RIMS2: variants seen among roughly 807,000 people sequenced by gnomAD.
The protein encoded by RIMS2 is regulating synaptic membrane exocytosis 2.
In RIMS2, 59 loss-of-function variants were observed where a neutral mutation model predicts 174.4. The ratio of observed to expected loss-of-function variants is 0.34; its 90% CI spans 0.27 to 0.42. RIMS2 has a LOEUF of 0.42. Ranked by LOEUF, RIMS2 falls within the 10% of genes least tolerant of loss-of-function variation. RIMS2 has a pLI of 1.00. For synonymous variants in RIMS2, 606 were observed against 572.5 expected (o/e 1.06, Z -0.84); for missense variants, 1,620 against 1,666.3 (o/e 0.97, Z 0.48).
At chr8:103,573,029 T>C (rs1036937127) in intron 1 of RIMS2, among the ~76,000 whole-genome samples, 2 of 152,066 alleles carry the variant, frequency 1.3e-5, no homozygotes, top group African/African-American at 4.8e-5. Context: ...ATTTGTATGG[T>C]TTGAGGCCTT....
chr8:104,180,769 A>G (rs892246183), intron 19 of RIMS2, among the ~76,000 whole-genome samples: 1 of 151,730 alleles, frequency 6.6e-6, no homozygotes, highest in African/African-American at 2.4e-5. Context: ...CCAGCTATCA[A>G]TATTTTCAAA....
intron 19 of RIMS2, among the ~76,000 whole-genome samples, chr8:104,063,286 T>G (rs914123050): frequency 2.6e-5 from 4 of 152,094 alleles, no homozygotes; most frequent in African/African-American, 9.6e-5. Context: ...AAGTTCTTGA[T>G]ATGTTGTTAT....
At chr8:103,713,762 C>A (rs962833434) in intron 2 of RIMS2, among the ~76,000 whole-genome samples, 3 of 152,160 alleles carry the variant, frequency 2.0e-5, no homozygotes, top group Non-Finnish European at 2.9e-5. Flanking sequence ...CTCCTCATCA[C>A]CTGAGTGAAG....
intron 19 of RIMS2, among the ~76,000 whole-genome samples, chr8:104,126,106 C>G (rs999754135): frequency 6.6e-5 from 10 of 152,092 alleles, no homozygotes; most frequent in African/African-American, 2.4e-4. Flanking sequence ...CACCAGGGAC[C>G]AGTTTCATGG....
intron 1 of RIMS2, among the ~76,000 whole-genome samples, chr8:103,599,773 G>A (rs979455974): frequency 1.3e-5 from 2 of 151,696 alleles, no homozygotes; most frequent in African/African-American, 4.8e-5. Context: ...TAATTTTTGT[G>A]CATACATAGT....
At chr8:103,705,123 C>T (rs1116622) in intron 2 of RIMS2, among the ~76,000 whole-genome samples, 124,373 of 151,990 alleles carry the variant, frequency 0.82, 51,489 homozygotes, top group African/African-American at 0.94. Context: ...CTGGATCCCA[C>T]TGATTTTAGT....
chr8:103,632,881 C>T (rs573544238), intron 1 of RIMS2, among the ~76,000 whole-genome samples: 1 of 147,714 alleles, frequency 6.8e-6, no homozygotes, highest in Admixed American at 6.7e-5. Flanking sequence ...CTACAGGCAC[C>T]CGCCACCATG....
At chr8:104,050,054 A>G (rs1476908139) in intron 19 of RIMS2, among the ~76,000 whole-genome samples, 1 of 152,180 alleles carries the variant, frequency 6.6e-6, no homozygotes, top group Non-Finnish European at 1.5e-5. Context: ...ATCTCCTTAT[A>G]AAATAGCCAA....
intron 19 of RIMS2, among the ~76,000 whole-genome samples, chr8:104,129,483 C>CTA (rs1443911008): frequency 6.6e-6 from 1 of 152,212 alleles, no homozygotes; most frequent in Non-Finnish European, 1.5e-5. Flanking sequence ...ATAATCTAAA[C>CTA]ATAACCTGTG....
chr8:103,897,342 C>T (rs180812659), intron 4 of RIMS2, among the ~76,000 whole-genome samples: 4 of 151,844 alleles, frequency 2.6e-5, no homozygotes, highest in Admixed American at 2.6e-4. Flanking sequence ...CTTTCATACA[C>T]ATGCTGAGCT....
intron 2 of RIMS2, among the ~76,000 whole-genome samples, chr8:103,716,708 G>GATTTAACTGTTATAATTAACTGTTAT (rs2097372148): frequency 6.6e-6 from 1 of 151,938 alleles, no homozygotes; most frequent in African/African-American, 2.4e-5. Flanking sequence ...TTAGTATAAA[G>GATTTAACTGTTATAATTAACTGTTAT]ATTTAACTGT....
intron 19 of RIMS2, among the ~76,000 whole-genome samples, chr8:104,092,854 A>G (rs891506987): frequency 5.9e-5 from 9 of 151,964 alleles, no homozygotes; most frequent in African/African-American, 2.2e-4. Context: ...ATTTACCAGA[A>G]TATTTGAACA....
chr8:103,878,555 C>A (rs2099152518), intron 3 of RIMS2, among the ~76,000 whole-genome samples: 1 of 150,270 alleles, frequency 6.7e-6, no homozygotes, highest in African/African-American at 2.5e-5. Flanking sequence ...CCTTTCCTGG[C>A]TCTGATATCA....
At chr8:104,195,134 A>T (rs2099017579) in intron 19 of RIMS2, among the ~76,000 whole-genome samples, 1 of 152,218 alleles carries the variant, frequency 6.6e-6, no homozygotes. Flanking sequence ...GAACGACAGA[A>T]TGGTAGTATT....
chr8:103,654,541 T>C (rs111239901), intron 1 of RIMS2, among the ~76,000 whole-genome samples: 3 of 152,120 alleles, frequency 2.0e-5, no homozygotes, highest in African/African-American at 7.2e-5. Context: ...TCTTAATAGC[T>C]ACATTCTTCA....
intron 19 of RIMS2, among the ~76,000 whole-genome samples, chr8:104,043,245 T>G (rs191460061): frequency 6.6e-6 from 1 of 151,620 alleles, no homozygotes; most frequent in East Asian, 1.9e-4. Context: ...TCTTGATGGC[T>G]TGGGGAAATT....
intron 19 of RIMS2, among the ~76,000 whole-genome samples, chr8:104,168,817 T>C (rs1236047104): frequency 6.6e-6 from 1 of 152,116 alleles, no homozygotes; most frequent in East Asian, 1.9e-4. Context: ...TTGAGGTATG[T>C]CACTTTTATG....
At chr8:103,731,547 A>G (rs2097595279) in intron 2 of RIMS2, among the ~76,000 whole-genome samples, 1 of 152,130 alleles carries the variant, frequency 6.6e-6, no homozygotes, top group Non-Finnish European at 1.5e-5. Flanking sequence ...CTAACTCTCT[A>G]TCTCCTCTTT....
At chr8:104,033,092 A>G (rs531401309) in intron 19 of RIMS2, among the ~76,000 whole-genome samples, 117 of 152,156 alleles carry the variant, frequency 7.7e-4, no homozygotes, top group Non-Finnish European at 1.4e-3. Flanking sequence ...TTAATCTATG[A>G]ATTATTTTTT....
Sources: allele counts gnomAD v4.1 joint callset (sites outside exome capture counted in the v4.1 genomes callset), GRCh38; gene constraint gnomAD v4.1.1; transcripts MANE v1.5; gene names NCBI Gene and HGNC (gene_info 2026-07-23, HGNC 2026-07-21).